Variants in NDST3 observed in about 807,000 individuals in gnomAD.
NDST3 encodes the protein N-deacetylase and N-sulfotransferase 3.
In NDST3, 58 loss-of-function variants were observed where a neutral mutation model predicts 96.1. That is an observed-to-expected ratio of 0.60 (90% CI 0.49 to 0.75). The LOEUF is 0.75. Ranked by LOEUF, NDST3 falls within the 30% of genes least tolerant of loss-of-function variation. The pLI, the probability that NDST3 is intolerant of heterozygous loss-of-function variation, is 0.00. For missense variants in NDST3, 788 were observed against 1,034.2 expected, an observed-to-expected ratio of 0.76 and a Z score of 3.27; for synonymous variants, 333 against 359.7, an observed-to-expected ratio of 0.93 and a Z score of 0.84.
At chr4:118,162,277 G>C (rs1449963089) in intron 6 of NDST3, among the ~76,000 whole-genome samples, 2 of 152,132 alleles carry the variant, frequency 1.3e-5, no homozygotes, top group Non-Finnish European at 2.9e-5. Context: ...AACCAAAAAA[G>C]AGCCCTCATT....
chr4:118,078,376 A>G (rs941891259), intron 2 of NDST3, among the ~76,000 whole-genome samples: 1 of 152,136 alleles, frequency 6.6e-6, no homozygotes, highest in Non-Finnish European at 1.5e-5. Flanking sequence ...AAGGCTTCTC[A>G]TCATTTCATC....
intron 6 of NDST3, among the ~76,000 whole-genome samples, chr4:118,209,526 T>C (rs1301411299): frequency 2.6e-5 from 4 of 152,226 alleles, no homozygotes; most frequent in South Asian, 2.1e-4. Context: ...ATTAAACCAA[T>C]AGAATTACTT....
intron 6 of NDST3, among the ~76,000 whole-genome samples, chr4:118,197,748 T>G (rs910005207): frequency 7.3e-5 from 11 of 151,682 alleles, no homozygotes; most frequent in South Asian, 2.1e-4. Flanking sequence ...TCTCAGTTTT[T>G]GGGGGGTTTT....
chr4:118,193,698 C>G, intron 6 of NDST3: 1 of 1,312,520 alleles, frequency 7.6e-7, no homozygotes, highest in African/African-American at 1.4e-5. Flanking sequence ...GCCAGGTGGG[C>G]CTCTCCCCAA....
At chr4:118,220,343 A>C (rs1340183698) in intron 6 of NDST3, among the ~76,000 whole-genome samples, 1 of 152,006 alleles carries the variant, frequency 6.6e-6, no homozygotes, top group Non-Finnish European at 1.5e-5. Context: ...TCAGCAAACT[A>C]ACACAGGAAG....
intron 6 of NDST3, among the ~76,000 whole-genome samples, chr4:118,148,543 G>A (rs1734129724): frequency 6.6e-6 from 1 of 152,070 alleles, no homozygotes; most frequent in South Asian, 2.1e-4. Context: ...TCTAAATTGT[G>A]TTTCTCTTAT....
At chr4:118,227,039 GA>G in intron 8 of NDST3, 57 bp downstream of exon 8, 1 of 1,129,452 alleles carries the variant, frequency 8.9e-7, no homozygotes, top group Non-Finnish European at 1.3e-6. Flanking sequence ...ACTAGACAAT[GA>G]GATCTTGTCA....
In NDST3 at chr4:118,130,577, TTAAGA is replaced by T. The variant is rs562620804; in HGVS notation, c.1225-7471_1225-7467del. 2.9e-4 allele frequency among the ~76,000 whole-genome samples: 44 copies of T among 152,294 alleles called. No individual in the cohort carries two copies. The South Asian group carries it at 2.9e-3, about 10-fold the overall frequency. On this transcript the variant is annotated intron_variant, in intron 4 of 13. Coordinates refer to ENST00000296499, the MANE Select transcript of NDST3 (RefSeq NM_004784.3). ...TTGGTTCATCATTTAGTCTTTCTAC[TTAAGA>T]TAAGAGAAGTTTACACACCACCATT...
At chr4:118,140,011 C>T (rs957721061) in intron 5 of NDST3, among the ~76,000 whole-genome samples, 4 of 152,176 alleles carry the variant, frequency 2.6e-5, no homozygotes, top group Admixed American at 2.6e-4. Context: ...TCCTGGCCTT[C>T]CTAACCTTGA....
intron 1 of NDST3, among the ~76,000 whole-genome samples, chr4:118,035,741 TTTG>T (rs756196521): frequency 2.0e-4 from 31 of 151,988 alleles, no homozygotes; most frequent in Non-Finnish European, 3.5e-4. Flanking sequence ...CATTTCTAAT[TTTG>T]TTATCATTTT....
At chr4:118,255,189 G>A (rs948069214) in intron 13 of NDST3, among the ~76,000 whole-genome samples, 1 of 152,162 alleles carries the variant, frequency 6.6e-6, no homozygotes, top group African/African-American at 2.4e-5. Context: ...GGTAGAGAAA[G>A]ATAAGAAAAA....
intron 2 of NDST3, chr4:118,055,588 T>C (rs2110451992): frequency 6.6e-6 from 1 of 152,176 alleles, no homozygotes; most frequent in South Asian, 2.1e-4. Context: ...GTCATTATTA[T>C]GAGTTGATTG....
At chr4:118,080,791 G>T (rs1727948892) in intron 2 of NDST3, among the ~76,000 whole-genome samples, 1 of 151,978 alleles carries the variant, frequency 6.6e-6, no homozygotes, top group Non-Finnish European at 1.5e-5. Context: ...TGTTTTCCAT[G>T]GCACCATATG....
chr4:118,186,303 C>A lies in NDST3; in HGVS notation c.1540-38188C>A, dbSNP rs186356496. Among the ~76,000 whole-genome samples the A allele has an allele frequency of 2.0e-4, 31 of 152,250 alleles. No homozygotes were observed. The East Asian group carries it at 4.6e-3, about 23-fold the overall frequency. The stretch of plus-strand genomic sequence containing the variant: ...AAAATTCCTCCATTTTGATTAACTT[C>A]TCTGTATTAGTCAGAGTTCTCTAGA... On this transcript the variant is annotated intron_variant, in intron 6 of 13. Coordinates refer to ENST00000296499, the MANE Select transcript of NDST3 (RefSeq NM_004784.3).
chr4:118,053,886 C>T lies in NDST3; in HGVS notation c.-25C>T. Reference sequence around the variant, plus strand: ...TAACTTTTTATGGTGCTTCTGTTGGCATAGTTGGGGAAAGCACCTACAACA... The same window carrying T: ...TAACTTTTTATGGTGCTTCTGTTGGTATAGTTGGGGAAAGCACCTACAACA... On this transcript the variant is annotated 5_prime_UTR_variant, in exon 2 of 14. Coordinates refer to ENST00000296499, the MANE Select transcript of NDST3 (RefSeq NM_004784.3). 6.4e-7 allele frequency: 1 copy of T among 1,553,652 alleles called. No individual in the cohort carries two copies. The highest frequency in any genetic ancestry group is 1.2e-5 in the South Asian group (1 of 80,682).
At chr4:118,099,280 G>A (rs2125842891) in intron 2 of NDST3, among the ~76,000 whole-genome samples, 1 of 152,110 alleles carries the variant, frequency 6.6e-6, no homozygotes, top group South Asian at 2.1e-4. Flanking sequence ...TGTTGGTGAG[G>A]CCAAGCACAA....
At chr4:118,082,645 T>C (rs7681830) in intron 2 of NDST3, among the ~76,000 whole-genome samples, 114,507 of 152,122 alleles carry the variant, frequency 0.75, 45,763 homozygotes, top group South Asian at 0.92. Context: ...TCTTCCAAGG[T>C]TGTTTTTACA....
chr4:118,218,915 C>A (rs1188637598), intron 6 of NDST3, among the ~76,000 whole-genome samples: 1 of 151,912 alleles, frequency 6.6e-6, no homozygotes, highest in African/African-American at 2.4e-5. Context: ...AAGCAGAGAG[C>A]CAAATCATGA....
intron 3 of NDST3, among the ~76,000 whole-genome samples, chr4:118,112,068 A>T (rs1730688162): frequency 6.6e-6 from 1 of 151,946 alleles, no homozygotes. Context: ...AAATCAGATA[A>T]GACAAATCTA....
Sources: allele counts gnomAD v4.1 joint callset (sites outside exome capture counted in the v4.1 genomes callset), GRCh38; gene constraint gnomAD v4.1.1; transcripts MANE v1.5; gene names NCBI Gene and HGNC (gene_info 2026-07-23, HGNC 2026-07-21).